RABGAP1: variants seen among roughly 807,000 people sequenced by gnomAD.
RABGAP1 encodes the protein rab GTPase-activating protein 1.
A neutral mutation model predicts 137.6 loss-of-function variants in RABGAP1; 23 were observed. That is an observed-to-expected ratio of 0.17 (90% CI 0.12 to 0.24). The LOEUF (loss-of-function observed/expected upper bound fraction) is 0.24. Ranked by LOEUF, RABGAP1 falls within the 10% of genes least tolerant of loss-of-function variation. The pLI is 1.00. For missense variants in RABGAP1, 906 were observed against 1,275.8 expected, an observed-to-expected ratio of 0.71 and a Z score of 4.42; for synonymous variants, 451 against 450.7, an observed-to-expected ratio of 1.00 and a Z score of -0.01.
chr9:123,037,868 T>A (rs1415299407), intron 13 of RABGAP1, among the ~76,000 whole-genome samples: 1 of 152,136 alleles, frequency 6.6e-6, no homozygotes, highest in Non-Finnish European at 1.5e-5. Flanking sequence ...AATGCAACAT[T>A]TGATGACATT....
intron 13 of RABGAP1, among the ~76,000 whole-genome samples, chr9:123,024,535 G>T (rs1476477117): frequency 6.6e-6 from 1 of 151,974 alleles, no homozygotes; most frequent in Non-Finnish European, 1.5e-5. Flanking sequence ...CGCCTCCCGG[G>T]TTCAAACGAT....
chr9:122,989,390 T>A lies in RABGAP1; in HGVS notation c.684T>A (p.Ser228Arg). ...GAGGGCATGATGGAACTCCTGAGAG[T>A]GACTGTTTTGCTTTCACTGAAAGTC... ...CVRGHDGTPE[S>R]DCFAFTESHY... Residue 228 changes from serine to arginine, a missense_variant, in exon 5 of 26, where the codon AGT (serine) becomes AGA (arginine). This residue lies in a region of RABGAP1 where 331 missense variants were observed against 358.3 expected (regional missense o/e 0.92). Coordinates refer to ENST00000373647, the MANE Select transcript of RABGAP1 (RefSeq NM_012197.4). 1 of 1,613,980 alleles carries A rather than the reference T, an allele frequency of 6.2e-7. No individual in the cohort carries two copies. The highest frequency in any genetic ancestry group is 1.7e-4 in the Middle Eastern group (1 of 6,060).
chr9:122,988,377 G>C (rs1313346967), intron 4 of RABGAP1, among the ~76,000 whole-genome samples: 2 of 152,066 alleles, frequency 1.3e-5, no homozygotes, highest in Non-Finnish European at 2.9e-5. Flanking sequence ...GTGCCTTACT[G>C]CCCTGATCAG....
chr9:123,020,289 G>A lies in RABGAP1; in HGVS notation c.1644-20G>A, dbSNP rs756636952. 9 of 1,500,120 alleles carry A rather than the reference G, an allele frequency of 6.0e-6. No individual in the cohort carries two copies. In the East Asian group the frequency reaches 1.9e-4, roughly 32 times the overall value. 92.9% of individuals were successfully genotyped at this position (1,500,120 alleles called of 1,614,324 possible). On this transcript the variant is annotated intron_variant, in intron 12 of 25. Transcript: ENST00000373647. ...TCTTATCTTCCTTTTATGATTTATG[G>A]TTTATGGCCTTATTTTTAGGCATCT... is the stretch of plus-strand genomic sequence containing the variant.
chr9:123,086,738 T>G (rs1014440441), intron 19 of RABGAP1, among the ~76,000 whole-genome samples: 4 of 151,760 alleles, frequency 2.6e-5, no homozygotes, highest in Non-Finnish European at 4.4e-5. Flanking sequence ...TGAGAAGAGG[T>G]GAGGGTGAAG....
chr9:122,945,081 C>A (rs911556950), intron 1 of RABGAP1, among the ~76,000 whole-genome samples: 1 of 147,242 alleles, frequency 6.8e-6, no homozygotes, highest in African/African-American at 2.5e-5. Flanking sequence ...AAAAAAAATT[C>A]AAGGCTCAGG....
At chr9:123,101,981 T>C (rs1180290942) in intron 25 of RABGAP1, among the ~76,000 whole-genome samples, 2 of 152,166 alleles carry the variant, frequency 1.3e-5, no homozygotes, top group African/African-American at 4.8e-5. Context: ...TTGAGAATAA[T>C]ACACAAAAGC....
chr9:122,997,010 T>C (rs780697328), intron 8 of RABGAP1: 30 of 589,934 alleles, frequency 5.1e-5, no homozygotes, highest in African/African-American at 5.0e-4. Flanking sequence ...GAATTCAACA[T>C]TGGATTTAGG....
At chr9:123,014,960 C>T (rs1011450252) in intron 11 of RABGAP1, among the ~76,000 whole-genome samples, 2 of 152,144 alleles carry the variant, frequency 1.3e-5, no homozygotes, top group Admixed American at 1.3e-4. Flanking sequence ...TGGGGGAAAC[C>T]GCCCCCATGA....
chr9:123,015,328 A>G (rs2031144324), intron 11 of RABGAP1, among the ~76,000 whole-genome samples: 2 of 136,000 alleles, frequency 1.5e-5, no homozygotes, highest in African/African-American at 5.4e-5. Context: ...ATAATTATGG[A>G]CCTATGTGGA....
chr9:123,027,061 T>C (rs1302138621), intron 13 of RABGAP1, among the ~76,000 whole-genome samples: 1 of 152,078 alleles, frequency 6.6e-6, no homozygotes, highest in East Asian at 1.9e-4. Flanking sequence ...AGAAGCAAAC[T>C]AGTAGCAAGC....
Position 123,065,481 on chromosome 9 carries a change from A to C in RABGAP1, c.1908+20A>C. On this transcript the variant is annotated intron_variant, in intron 14 of 25. Coordinates refer to ENST00000373647, the MANE Select transcript of RABGAP1 (RefSeq NM_012197.4). ...TGCAAGGTATTTCATGTCAAAAAAA[A>C]AAAGGACTCAATTCTGAGTGGTGGT... The C allele has an allele frequency of 6.6e-7, 1 of 1,518,468 alleles. No individual in the cohort carries two copies. The highest frequency in any genetic ancestry group is 2.3e-5 in the East Asian group (1 of 44,412). The allele number at this position is 1,518,468 out of a possible 1,614,324, so 94.1% of individuals were successfully genotyped here.
At chr9:122,991,156 C>T (rs1314450568) in intron 6 of RABGAP1, among the ~76,000 whole-genome samples, 4 of 151,736 alleles carry the variant, frequency 2.6e-5, no homozygotes, top group African/African-American at 7.3e-5. Flanking sequence ...ACAGTGTCCC[C>T]ATTTCCAAGT....
intron 13 of RABGAP1, among the ~76,000 whole-genome samples, chr9:123,057,804 AC>A (rs2033796197): frequency 6.6e-6 from 1 of 152,134 alleles, no homozygotes; most frequent in Non-Finnish European, 1.5e-5. Flanking sequence ...CAATCCCAGC[AC>A]CTCGGGAGGC....
chr9:122,942,164 AAAAC>A (rs1308735525), intron 1 of RABGAP1, among the ~76,000 whole-genome samples: 1 of 150,632 alleles, frequency 6.6e-6, no homozygotes, highest in Non-Finnish European at 1.5e-5. Flanking sequence ...TCGGAAACAA[AAAAC>A]AAAACAAAAC....
chr9:122,998,491 G>T, intron 9 of RABGAP1, 106 bp from the exon 10 acceptor site: 1 of 943,166 alleles, frequency 1.1e-6, no homozygotes, highest in Non-Finnish European at 1.6e-6. Context: ...TTCACTTAAG[G>T]TATTTTGAAA....
At chr9:122,956,423 G>A (rs1478496336) in intron 1 of RABGAP1, among the ~76,000 whole-genome samples, 3 of 152,114 alleles carry the variant, frequency 2.0e-5, no homozygotes, top group Admixed American at 6.5e-5. Flanking sequence ...GGCCGAGACC[G>A]GCGGATCACG....
intron 13 of RABGAP1, chr9:123,034,558 G>A (rs757801090): frequency 6.4e-7 from 1 of 1,574,014 alleles, no homozygotes; most frequent in Non-Finnish European, 8.7e-7. Context: ...GATCACTCCT[G>A]AGCTCAAGAT....
intron 25 of RABGAP1, among the ~76,000 whole-genome samples, chr9:123,102,364 T>G (rs955898816): frequency 1.3e-5 from 2 of 152,146 alleles, no homozygotes; most frequent in East Asian, 3.9e-4. Context: ...AAGCACTGTT[T>G]ATGGAGGGAA....
Sources: allele counts gnomAD v4.1 joint callset (sites outside exome capture counted in the v4.1 genomes callset), GRCh38; gene constraint gnomAD v4.1.1; regional missense constraint gnomAD v4.1.1; transcripts MANE v1.5; gene names NCBI Gene and HGNC (gene_info 2026-07-23, HGNC 2026-07-21).